Variants in DOC2B observed in about 807,000 individuals in gnomAD.
The protein encoded by DOC2B is double C2 domain beta, also known as double C2-like domain-containing protein beta.
Under a neutral mutation model 28.9 loss-of-function variants are expected in DOC2B, and 21 were observed. The observed-to-expected ratio is 0.73, with a 90% CI of 0.52 to 1.05. The LOEUF is 1.05. Among genes scored for constraint, DOC2B ranks in the 50% least tolerant of loss-of-function variants. The probability of loss-of-function intolerance (pLI) is 0.00; values close to 1 mark genes in which losing one functional copy is unlikely to be tolerated. For missense variants in DOC2B, 384 were observed against 421.1 expected (o/e 0.91, Z 0.77); for synonymous variants, 194 against 178.1 (o/e 1.09, Z -0.71).
At position 160,025 on chromosome 17, in the gene DOC2B, C is replaced by G. The variant is rs1042185860; in HGVS notation, c.765+1390G>C. Reference sequence around the variant, plus strand: ...CAGAGTCTTGCTCTTGCTCTTGTCACCCAGGCTGGAGTGCAACGGTGCAAT... The same window carrying G: ...CAGAGTCTTGCTCTTGCTCTTGTCAGCCAGGCTGGAGTGCAACGGTGCAAT... On this transcript the variant is annotated intron_variant, in intron 5 of 8. Transcript: ENST00000613549. Among the ~76,000 whole-genome samples, 9 of 149,112 alleles carry G rather than the reference C, an allele frequency of 6.0e-5. 1 individual carries two copies. The highest frequency in any genetic ancestry group is 1.3e-4 in the Non-Finnish European group (9 of 67,288).
chr17:181,069 AG>A lies in DOC2B; in HGVS notation c.373+37del. The A allele has an allele frequency of 1.6e-6, 2 of 1,220,890 alleles. No homozygotes were observed. The highest frequency in any genetic ancestry group is 1.0e-6 in the Non-Finnish European group (1 of 978,802). The allele number at this position is 1,220,890 out of a possible 1,614,324, so 75.6% of individuals were successfully genotyped here. On this transcript the variant is annotated intron_variant, in intron 1 of 8. Coordinates refer to ENST00000613549, the MANE Select transcript of DOC2B (RefSeq NM_003585.5). The surrounding 1 kb of genome is among the most constrained non-coding windows in gnomAD (Gnocchi z 7.0). Reference sequence around the variant, plus strand: ...GCCGTGGGGGGGCCGAGCCCGAGCCAGGGGAGGGGGCGCGAAGTCGGCGCGT... The same window carrying A: ...GCCGTGGGGGGGCCGAGCCCGAGCCAGGGAGGGGGCGCGAAGTCGGCGCGT...
rs895650530 is a variant in DOC2B at position 148,978 on chromosome 17, G to T, written c.1005+133C>A. 24 of 396,146 alleles carry T rather than the reference G, an allele frequency of 6.1e-5. No individual in the cohort carries two copies. In the South Asian group the frequency reaches 9.3e-4, roughly 15 times the overall value. The allele number at this position is 396,146 out of a possible 1,614,324, so 24.5% of individuals were successfully genotyped here. A position where few individuals can be genotyped will look rare whatever the true frequency, so the allele number is the denominator to read the frequency against. ...GTCCCCCAGCTCCCCTGTGTCTGTG[G>T]CTTGGTGCGGCCCCTCCCCACCGTC... On this transcript the variant is annotated intron_variant, in intron 7 of 8. Coordinates refer to ENST00000613549, the MANE Select transcript of DOC2B (RefSeq NM_003585.5).
intron 1 of DOC2B, among the ~76,000 whole-genome samples, 163 bp downstream of exon 1, chr17:180,944 A>G (rs1473270483): frequency 1.3e-5 from 2 of 151,104 alleles, no homozygotes; most frequent in East Asian, 4.0e-4. Flanking sequence ...GGGCGCGGAG[A>G]GCGCACCGAG....
intron 6 of DOC2B, among the ~76,000 whole-genome samples, 162 bp from the exon 7 acceptor site, chr17:149,354 CGAGACGTT>C: frequency 6.6e-6 from 1 of 152,124 alleles, no homozygotes; most frequent in Non-Finnish European, 1.5e-5. Context: ...GTGGCAAAGG[CGAGACGTT>C]GTTTTCGAGA....
intron 1 of DOC2B, 64 bp from the exon 2 acceptor site, chr17:172,680 T>C (rs1044238608): frequency 7.2e-7 from 1 of 1,383,622 alleles, no homozygotes; most frequent in African/African-American, 1.4e-5. Context: ...CGCCTGCCCC[T>C]GTGAGACCAG....
At chr17:154,040 C>G (rs565917459) in intron 6 of DOC2B, among the ~76,000 whole-genome samples, 1 of 152,204 alleles carries the variant, frequency 6.6e-6, no homozygotes, top group South Asian at 2.1e-4. Context: ...TCCTGCAACA[C>G]GTGGCCGTCT....
chr17:176,228 C>T (rs995742617), intron 1 of DOC2B, among the ~76,000 whole-genome samples: 1 of 151,130 alleles, frequency 6.6e-6, no homozygotes, highest in South Asian at 2.1e-4. Flanking sequence ...GGGTCTTGTT[C>T]TGTTACCCAG....
chr17:170,090 G>A (rs575246358), intron 2 of DOC2B, among the ~76,000 whole-genome samples: 7 of 152,288 alleles, frequency 4.6e-5, no homozygotes, highest in East Asian at 3.9e-4. Flanking sequence ...CCTGGCAGCC[G>A]GCACCTCTCC....
intron 5 of DOC2B, 103 bp from the exon 6 acceptor site, chr17:156,480 G>GAT: frequency 5.1e-6 from 7 of 1,359,286 alleles, no homozygotes; most frequent in Non-Finnish European, 6.0e-6. Flanking sequence ...GCTGCAGCCG[G>GAT]GCCTGGTCAC....
intron 5 of DOC2B, 26 bp from the exon 6 acceptor site, chr17:156,403 C>A (rs1555522550): frequency 6.5e-6 from 10 of 1,549,454 alleles, no homozygotes; most frequent in Non-Finnish European, 8.7e-6. Flanking sequence ...GTCACTCAGT[C>A]CTCACCTGCT....
intron 1 of DOC2B, among the ~76,000 whole-genome samples, chr17:176,352 TA>T (rs1273983220): frequency 1.4e-5 from 2 of 138,854 alleles, no homozygotes; most frequent in Non-Finnish European, 3.1e-5. Flanking sequence ...CCGGCTAACT[TA>T]AAAAATATAT....
At chr17:165,774 C>A (rs1352061992) in intron 2 of DOC2B, among the ~76,000 whole-genome samples, 1 of 152,228 alleles carries the variant, frequency 6.6e-6, no homozygotes, top group African/African-American at 2.4e-5. Context: ...CTCACCCTGC[C>A]TTGCACCTTT....
In DOC2B at chr17:177,964, C is replaced by T. The variant is rs191131958; in HGVS notation, c.373+3143G>A. Among the ~76,000 whole-genome samples the T allele has an allele frequency of 3.3e-5, 5 of 152,382 alleles. No individual in the cohort carries two copies. In the East Asian group the frequency reaches 5.8e-4, roughly 18 times the overall value. On this transcript the variant is annotated intron_variant, in intron 1 of 8. Transcript: ENST00000613549. ...GGCAGGTTTAACACGGGCATGTGAT[C>T]CAATTCTGGCCAATGAGACAAAAGG...
chr17:147,860 C>T (rs1328194242), intron 8 of DOC2B, among the ~76,000 whole-genome samples: 10 of 152,198 alleles, frequency 6.6e-5, no homozygotes, highest in Non-Finnish European at 8.8e-5. Flanking sequence ...CGGGCAGCCC[C>T]ACTATGCGCA....
chr17:180,562 C>T (rs1478325764), intron 1 of DOC2B, among the ~76,000 whole-genome samples: 1 of 152,080 alleles, frequency 6.6e-6, no homozygotes, highest in Non-Finnish European at 1.5e-5. Flanking sequence ...CCTCTGCTCG[C>T]GCGCCAGCAA....
Position 144,087 on chromosome 17 carries a change from GGGCGGGGCGGC to G in DOC2B, c.*3343_*3353del. 6.8e-6 allele frequency: 1 copy of G among 146,622 alleles called. No homozygotes were observed. Among genetic ancestry groups the G allele is most frequent in the Non-Finnish European group, 1.5e-5 (1 of 66,670 alleles). The allele number at this position is 146,622 out of a possible 1,614,324, so 9.1% of individuals were successfully genotyped here. A position where few individuals can be genotyped will look rare whatever the true frequency, so the allele number is the denominator to read the frequency against. ...TGGCGCAGGCGGCGGGCGGGGCGGC[GGGCGGGGCGGC>G]GGGCGGGGCGGCGCTGGAGGCAGCG... On this transcript the variant is annotated 3_prime_UTR_variant, in exon 9 of 9. Transcript: ENST00000613549.
intron 2 of DOC2B, among the ~76,000 whole-genome samples, chr17:170,794 G>A (rs528606408): frequency 1.4e-3 from 184 of 126,914 alleles, no homozygotes; most frequent in African/African-American, 4.9e-3. Flanking sequence ...AGCACCAGGG[G>A]CCGGGCCAGG....
At chr17:158,256 G>C (rs530617467) in intron 5 of DOC2B, among the ~76,000 whole-genome samples, 1 of 151,626 alleles carries the variant, frequency 6.6e-6, no homozygotes, top group Non-Finnish European at 1.5e-5. Flanking sequence ...CTCTCTCCTA[G>C]GCCCTCAGCC....
Position 144,148 on chromosome 17 carries a change from CTTTT to C in DOC2B, c.*3289_*3292del, listed in dbSNP as rs1177567945. 2.1e-5 allele frequency: 3 copies of C among 145,154 alleles called. No homozygotes were observed. Among genetic ancestry groups the C allele is most frequent in the South Asian group, 3.9e-4 (2 of 5,148 alleles). The allele number at this position is 145,154 out of a possible 1,614,324, so 9.0% of individuals were successfully genotyped here. On this transcript the variant is annotated 3_prime_UTR_variant, in exon 9 of 9. Coordinates refer to ENST00000613549, the MANE Select transcript of DOC2B (RefSeq NM_003585.5). ...GCCTGGTTACTGACACCTGGAATGA[CTTTT>C]TTTTTTTGGCATCAGATTTCCTGTC...
Sources: gnomAD v4.1 joint callset for allele counts (sites outside exome capture counted in the v4.1 genomes callset) on GRCh38, gnomAD v4.1.1 for gene constraint, Gnocchi (gnomAD v3.1) non-coding constraint, MANE v1.5 for transcripts, NCBI Gene and HGNC (gene_info 2026-07-23, HGNC 2026-07-21) for gene names.